The following ANO4 variants were observed in gnomAD, a reference collection of about 807,000 sequenced individuals.
The protein encoded by ANO4 is anoctamin-4.
In ANO4, 69 loss-of-function variants were observed where a neutral mutation model predicts 141.9. That is an observed-to-expected ratio of 0.49 (90% CI 0.40 to 0.59). The LOEUF is 0.59. Among genes scored for constraint, ANO4 ranks in the 20% least tolerant of loss-of-function variants. The probability of loss-of-function intolerance (pLI) is 0.00; values close to 1 mark genes in which losing one functional copy is unlikely to be tolerated. For missense variants in ANO4, 894 were observed against 1,162.2 expected (o/e 0.77, Z 3.36); for synonymous variants, 350 against 394.3 (o/e 0.89, Z 1.33).
chr12:100,984,119 C>T (rs573746980), intron 7 of ANO4, among the ~76,000 whole-genome samples: 9 of 152,270 alleles, frequency 5.9e-5, no homozygotes, highest in South Asian at 2.1e-4. Flanking sequence ...ATTTATGACA[C>T]GGAGTCTTAC....
chr12:101,085,423 G>A (rs1164795973), intron 16 of ANO4, among the ~76,000 whole-genome samples: 3 of 152,118 alleles, frequency 2.0e-5, no homozygotes, highest in African/African-American at 7.2e-5. Context: ...ACAGCTACAT[G>A]TCATTATTTC....
At chr12:101,037,762 A>T (rs1593088939) in intron 10 of ANO4, among the ~76,000 whole-genome samples, 1 of 152,176 alleles carries the variant, frequency 6.6e-6, no homozygotes, top group South Asian at 2.1e-4. Context: ...TAGGAACATA[A>T]TCCCTCATGA....
chr12:100,918,085 G>A (rs1318396642), intron 2 of ANO4, among the ~76,000 whole-genome samples: 2 of 152,198 alleles, frequency 1.3e-5, no homozygotes, highest in African/African-American at 4.8e-5. Flanking sequence ...CCAGCACTTT[G>A]GAAGGCTGAG....
intron 5 of ANO4, among the ~76,000 whole-genome samples, chr12:100,948,577 T>C (rs1468122874): frequency 6.6e-6 from 1 of 152,200 alleles, no homozygotes; most frequent in Non-Finnish European, 1.5e-5. Flanking sequence ...ATGACTGATA[T>C]AAAAGCTTTT....
At chr12:100,868,892 GTTTAACA>G (rs2038894920) in intron 1 of ANO4, among the ~76,000 whole-genome samples, 1 of 152,174 alleles carries the variant, frequency 6.6e-6, no homozygotes, top group Non-Finnish European at 1.5e-5. Context: ...TTGTTTGTTT[GTTTAACA>G]TTTAAAAATT....
chr12:100,956,309 A>G (rs890372440), intron 5 of ANO4, among the ~76,000 whole-genome samples: 1 of 152,358 alleles, frequency 6.6e-6, no homozygotes, highest in South Asian at 2.1e-4. Flanking sequence ...GTTACTGCTC[A>G]CTAGAGTACT....
chr12:101,045,782 A>G (rs1018725942), intron 13 of ANO4, among the ~76,000 whole-genome samples: 6 of 152,304 alleles, frequency 3.9e-5, no homozygotes, highest in South Asian at 4.1e-4. Flanking sequence ...GGCCCTGCCC[A>G]CATGATCATT....
intron 3 of ANO4, among the ~76,000 whole-genome samples, chr12:100,937,038 A>T (rs1421974008): frequency 6.6e-6 from 1 of 152,216 alleles, no homozygotes; most frequent in Non-Finnish European, 1.5e-5. Flanking sequence ...TCTGCTTGAA[A>T]ATTTAATCAC....
At chr12:101,080,790 G>T (rs1238167275) in intron 15 of ANO4, among the ~76,000 whole-genome samples, 1 of 150,156 alleles carries the variant, frequency 6.7e-6, no homozygotes, top group East Asian at 1.9e-4. Flanking sequence ...TTGCACCACT[G>T]CACTCCAGCC....
At chr12:100,726,904 T>TAC (rs147165877) in intron 1 of ANO4, among the ~76,000 whole-genome samples, 5,751 of 150,932 alleles carry the variant, frequency 0.038, 340 homozygotes, top group African/African-American at 0.13. Context: ...TGGTAATTTA[T>TAC]ACACACACAC....
intron 1 of ANO4, among the ~76,000 whole-genome samples, chr12:100,831,992 T>C (rs1358171978): frequency 6.6e-6 from 1 of 152,254 alleles, no homozygotes; most frequent in African/African-American, 2.4e-5. Context: ...TTTATTCCCA[T>C]ATTACAAATG....
rs550809487 is a variant in ANO4, at chr12:100,848,425, T to TA, written c.-140-53214dup. 6.6e-5 allele frequency among the ~76,000 whole-genome samples: 10 copies of TA among 152,262 alleles called. 1 individual carries two copies. The East Asian group carries it at 7.7e-4, about 12-fold the overall frequency. On this transcript the variant is annotated intron_variant, in intron 1 of 27. Transcript: ENST00000392977. ...CTATCAGAATCACCAGGCAAACTTT[T>TA]AAAAAAAGTGCAGATTCTGGGACCC...
chr12:101,050,929 A>AGTGGTATCCTG (rs920480716), intron 14 of ANO4, among the ~76,000 whole-genome samples: 1 of 152,190 alleles, frequency 6.6e-6, no homozygotes, highest in African/African-American at 2.4e-5. Flanking sequence ...TCTATATAAG[A>AGTGGTATCCTG]GTGGTATCCT....
intron 3 of ANO4, among the ~76,000 whole-genome samples, chr12:100,765,633 C>A (rs1353321269): frequency 3.3e-5 from 5 of 150,858 alleles, no homozygotes; most frequent in African/African-American, 1.2e-4. Context: ...GCCTTAGCCT[C>A]CCAGAATGCT....
chr12:100,950,014 T>C (rs1323041362), intron 5 of ANO4, among the ~76,000 whole-genome samples: 5 of 152,172 alleles, frequency 3.3e-5, no homozygotes, highest in Non-Finnish European at 7.4e-5. Context: ...CTGCCCAAAT[T>C]ACCCTAATTT....
intron 1 of ANO4, among the ~76,000 whole-genome samples, chr12:100,894,441 C>T (rs2040243873): frequency 6.6e-6 from 1 of 152,024 alleles, no homozygotes; most frequent in Admixed American, 6.5e-5. Context: ...AATGCACCTA[C>T]TTTCAGTTAC....
chr12:100,852,540 G>C (rs2037933222), intron 1 of ANO4: 1 of 152,196 alleles, frequency 6.6e-6, no homozygotes, highest in African/African-American at 2.4e-5. Flanking sequence ...GAAGGAGATG[G>C]TCAGAAGACA....
chr12:100,743,243 T>C (rs1264190933), intron 3 of ANO4, among the ~76,000 whole-genome samples: 1 of 150,332 alleles, frequency 6.7e-6, no homozygotes, highest in East Asian at 1.9e-4. Flanking sequence ...TAATATATTA[T>C]TAAAATACTA....
chr12:100,844,434 C>A (rs541299914), intron 1 of ANO4, among the ~76,000 whole-genome samples: 1 of 152,158 alleles, frequency 6.6e-6, no homozygotes, highest in African/African-American at 2.4e-5. Flanking sequence ...GGAAATAAAT[C>A]TGACTGGATG....
Sources: allele counts gnomAD v4.1 joint callset (sites outside exome capture counted in the v4.1 genomes callset), GRCh38; gene constraint gnomAD v4.1.1; transcripts MANE v1.5; gene names NCBI Gene and HGNC (gene_info 2026-07-23, HGNC 2026-07-21).